The following APOBEC3F variants were observed in gnomAD, a reference collection of about 807,000 sequenced individuals.
APOBEC3F encodes apolipoprotein B mRNA editing enzyme catalytic subunit 3F, also known as DNA dC->dU-editing enzyme APOBEC-3F.
In APOBEC3F, 34 loss-of-function variants were observed where a neutral mutation model predicts 45.8. The ratio of observed to expected loss-of-function variants is 0.74; its 90% CI spans 0.57 to 0.99. The LOEUF (loss-of-function observed/expected upper bound fraction) is 0.99. Among genes scored for constraint, APOBEC3F ranks in the 50% least tolerant of loss-of-function variants. The pLI is 0.00. For missense variants in APOBEC3F, 459 were observed against 474.1 expected, an observed-to-expected ratio of 0.97 and a Z score of 0.30; for synonymous variants, 192 against 174.4, an observed-to-expected ratio of 1.10 and a Z score of -0.80.
rs182151319 is a variant in APOBEC3F at position 39,054,320 on chromosome 22, C to T, written c.*1625C>T. Reference sequence around the variant, plus strand: ...AATCTGGGTTCACTGCAGCCTCTGCCGCCTGAGTTCAAGCTATTTTCCTAC... The same window carrying T: ...AATCTGGGTTCACTGCAGCCTCTGCTGCCTGAGTTCAAGCTATTTTCCTAC... On this transcript the variant is annotated 3_prime_UTR_variant, in exon 7 of 7. Transcript: ENST00000308521. Among the ~76,000 whole-genome samples the T allele has an allele frequency of 3.3e-5, 5 of 152,294 alleles. No individual in the cohort carries two copies. Among genetic ancestry groups the T allele is most frequent in the African/African-American group, 4.8e-5 (2 of 41,554 alleles).
At position 39,052,968 on chromosome 22, in the gene APOBEC3F, T is replaced by A; in HGVS notation, c.*273T>A. ...CATGCCCCTAACCTGCCTTTTCCCA[T>A]CTCCCCAGCATAACCTAATATTTTT... On this transcript the variant is annotated 3_prime_UTR_variant, in exon 7 of 7. Coordinates refer to ENST00000308521, the MANE Select transcript of APOBEC3F (RefSeq NM_145298.6). 7 of 469,598 alleles carry A rather than the reference T, an allele frequency of 1.5e-5. No individual in the cohort carries two copies. The highest frequency in any genetic ancestry group is 2.3e-5 in the Non-Finnish European group (7 of 309,230). The allele number at this position is 469,598 out of a possible 1,614,324, so 29.1% of individuals were successfully genotyped here. A position where few individuals can be genotyped will look rare whatever the true frequency, so the allele number is the denominator to read the frequency against.
At chr22:39,044,671 A>C (rs1391503202) in intron 2 of APOBEC3F, among the ~76,000 whole-genome samples, 4 of 152,148 alleles carry the variant, frequency 2.6e-5, no homozygotes, top group South Asian at 2.1e-4. Context: ...CCTTGAATAA[A>C]CACGCCAGTA....
In APOBEC3F at chr22:39,052,130, C is replaced by T. The variant is rs548011103; in HGVS notation, c.780C>T (p.Asp260=). The change falls in exon 6 of 7, where the codon GAC becomes GAT. Residue 260 remains aspartate, a synonymous_variant. Transcript: ENST00000308521. Reference sequence around the variant, plus strand: ...GGTGCTTCCTCTCTTGGTTCTGTGACGACATACTGTCTCCTAACACAAACT... The same window carrying T: ...GGTGCTTCCTCTCTTGGTTCTGTGATGACATACTGTCTCCTAACACAAACT... ...AERCFLSWFC[D]DILSPNTNYE... is the part of the protein sequence containing the mutation. The T allele has an allele frequency of 5.3e-5, 85 of 1,613,496 alleles. No individual in the cohort carries two copies. The highest frequency in any genetic ancestry group is 1.2e-4 in the South Asian group (11 of 91,070).
At chr22:39,041,268 G>A (rs1926875786) in intron 1 of APOBEC3F, among the ~76,000 whole-genome samples, 1 of 152,176 alleles carries the variant, frequency 6.6e-6, no homozygotes, top group Admixed American at 6.5e-5. Context: ...GCCCTGGGAG[G>A]GTGCTCCCTC....
intron 4 of APOBEC3F, 26 bp downstream of exon 4, chr22:39,045,568 G>T: frequency 1.9e-6 from 3 of 1,613,752 alleles, no homozygotes; most frequent in Non-Finnish European, 2.5e-6. Context: ...TGGCCTCATC[G>T]TCTGTCTCCT....
intron 4 of APOBEC3F, among the ~76,000 whole-genome samples, chr22:39,049,131 C>T (rs1927358983): frequency 6.6e-6 from 1 of 152,070 alleles, no homozygotes; most frequent in Non-Finnish European, 1.5e-5. Context: ...TATTTTAGGG[C>T]GAAGAGTTTT....
At position 39,052,887 on chromosome 22, in the gene APOBEC3F, T is replaced by C. The variant is rs1927566918; in HGVS notation, c.*192T>C. On this transcript the variant is annotated 3_prime_UTR_variant, in exon 7 of 7. Coordinates refer to ENST00000308521, the MANE Select transcript of APOBEC3F (RefSeq NM_145298.6). ...CTCCCAGGCTCTTCCTGCAGAGGCC[T>C]CTTTCTGCCTCCATGGCTATCCATC... 2 of 1,282,196 alleles carry C rather than the reference T, an allele frequency of 1.6e-6. No homozygotes were observed. The highest frequency in any genetic ancestry group is 2.8e-5 in the East Asian group (1 of 35,864). The allele number at this position is 1,282,196 out of a possible 1,614,324, so 79.4% of individuals were successfully genotyped here.
intron 4 of APOBEC3F, among the ~76,000 whole-genome samples, chr22:39,046,140 G>T (rs1225492168): frequency 6.6e-6 from 1 of 152,010 alleles, no homozygotes; most frequent in Non-Finnish European, 1.5e-5. Flanking sequence ...GTCCTCTCTG[G>T]CCTTTCCTCT....
At chr22:39,051,548 AAAAG>A (rs1205183291) in intron 5 of APOBEC3F, among the ~76,000 whole-genome samples, 2 of 151,704 alleles carry the variant, frequency 1.3e-5, no homozygotes, top group Non-Finnish European at 2.9e-5. Flanking sequence ...AAAAAAAAAA[AAAAG>A]AAAGAAAAAG....
rs748570407 is a variant in APOBEC3F, at chr22:39,044,964, C to G, written c.195C>G (p.His65Gln). The G allele has an allele frequency of 1.2e-6, 2 of 1,614,000 alleles. No individual in the cohort carries two copies. The highest frequency in any genetic ancestry group is 1.7e-5 in the Admixed American group (1 of 59,994). ...RGQVYSQPEH[H>Q]AEMCFLSWFC... Reference sequence around the variant, plus strand: ...AGGTGTATTCCCAGCCTGAGCACCACGCAGAAATGTGCTTCCTCTCTTGGT... The same window carrying G: ...AGGTGTATTCCCAGCCTGAGCACCAGGCAGAAATGTGCTTCCTCTCTTGGT... Residue 65 changes from histidine to glutamine, a missense_variant, in exon 3 of 7, where the codon CAC becomes CAG. By Grantham distance (24) the His-to-Gln change is conservative. Coordinates refer to ENST00000308521, the MANE Select transcript of APOBEC3F (RefSeq NM_145298.6).
Position 39,054,511 on chromosome 22 carries a change from T to C in APOBEC3F, c.*1816T>C, listed in dbSNP as rs1486739177. On this transcript the variant is annotated 3_prime_UTR_variant, in exon 7 of 7. Coordinates refer to ENST00000308521, the MANE Select transcript of APOBEC3F (RefSeq NM_145298.6). ...TCCCAAAGTGCTGGGATTACAGGCGTGAGCCACCTGGCCAGGCTTAGGCTG... is the reference window on the plus strand; with the variant it reads ...TCCCAAAGTGCTGGGATTACAGGCGCGAGCCACCTGGCCAGGCTTAGGCTG... Among the ~76,000 whole-genome samples, 3 of 152,206 alleles carry C rather than the reference T, an allele frequency of 2.0e-5. No homozygotes were observed. The highest frequency in any genetic ancestry group is 1.3e-4 in the Admixed American group (2 of 15,274).
Position 39,052,235 on chromosome 22 carries a change from C to T in APOBEC3F, c.885C>T (p.Ser295=). Residue 295 remains serine (S), a synonymous_variant, in exon 6 of 7, where the codon AGC becomes AGT. Transcript: ENST00000308521. Reference sequence around the variant, plus strand: ...TGGCCGAGTTCCTGGCCAGGCACAGCAACGTGAATCTCACCATCTTCACCG... The same window carrying T: ...TGGCCGAGTTCCTGGCCAGGCACAGTAACGTGAATCTCACCATCTTCACCG... ...GEVAEFLARH[S]NVNLTIFTAR... 1 of 1,614,184 alleles carries T rather than the reference C, an allele frequency of 6.2e-7. No homozygotes were observed. Among genetic ancestry groups the T allele is most frequent in the South Asian group, 1.1e-5 (1 of 91,076 alleles).
At chr22:39,046,815 A>G (rs1927247239) in intron 4 of APOBEC3F, among the ~76,000 whole-genome samples, 1 of 151,820 alleles carries the variant, frequency 6.6e-6, no homozygotes, top group Non-Finnish European at 1.5e-5. Context: ...GGGGTTTTGC[A>G]ATGTTGGCCA....
intron 1 of APOBEC3F, among the ~76,000 whole-genome samples, chr22:39,041,446 A>G (rs1399679246): frequency 1.3e-5 from 2 of 148,802 alleles, no homozygotes; most frequent in Admixed American, 6.6e-5. Context: ...TGGTCTCTGA[A>G]GCACAAGATA....
chr22:39,043,122 A>G lies in APOBEC3F; in HGVS notation c.171+32A>G, dbSNP rs375633960. 83 of 1,612,956 alleles carry G rather than the reference A, an allele frequency of 5.1e-5. No homozygotes were observed. The African/African-American group carries it at 8.9e-4, about 17-fold the overall frequency. On this transcript the variant is annotated intron_variant, in intron 2 of 6. Coordinates refer to ENST00000308521, the MANE Select transcript of APOBEC3F (RefSeq NM_145298.6). The stretch of plus-strand genomic sequence containing the variant: ...CCCGGACTTCAATCACTTTGCAGGC[A>G]GGAGCTAAGCCAGCTGGGAAAGCAA...
intron 4 of APOBEC3F, among the ~76,000 whole-genome samples, chr22:39,047,874 G>A (rs1927299980): frequency 6.6e-6 from 1 of 152,154 alleles, no homozygotes; most frequent in Non-Finnish European, 1.5e-5. Flanking sequence ...GAGCAATCAG[G>A]CATTTTGTTC....
At chr22:39,049,642 C>G in intron 5 of APOBEC3F, 61 bp downstream of exon 5, 1 of 1,579,048 alleles carries the variant, frequency 6.3e-7, no homozygotes, top group Non-Finnish European at 8.6e-7. Context: ...ATGCAGAAAA[C>G]ACAATAAGTG....
At chr22:39,049,173 A>G (rs1485393306) in intron 4 of APOBEC3F, among the ~76,000 whole-genome samples, 1 of 152,044 alleles carries the variant, frequency 6.6e-6, no homozygotes, top group Non-Finnish European at 1.5e-5. Context: ...ATGGGTTGGG[A>G]GACGTGTGGC....
chr22:39,052,115 C>G lies in APOBEC3F; in HGVS notation c.765C>G (p.Leu255=). 6.2e-7 allele frequency: 1 copy of G among 1,613,414 alleles called. No individual in the cohort carries two copies. Among genetic ancestry groups the G allele is most frequent in the South Asian group, 1.1e-5 (1 of 91,062 alleles). Residue 255 remains leucine, a synonymous_variant, in exon 6 of 7, where the codon CTC becomes CTG. Coordinates refer to ENST00000308521, the MANE Select transcript of APOBEC3F (RefSeq NM_145298.6). ...ATTGTCATGCAGAAAGGTGCTTCCT[C>G]TCTTGGTTCTGTGACGACATACTGT... ...ETHCHAERCF[L]SWFCDDILSP...
Sources: gnomAD v4.1 joint callset for allele counts (sites outside exome capture counted in the v4.1 genomes callset) on GRCh38, gnomAD v4.1.1 for gene constraint, MANE v1.5 for transcripts, NCBI Gene and HGNC (gene_info 2026-07-23, HGNC 2026-07-21) for gene names.